The following C18orf54 variants were observed in gnomAD, a reference collection of about 807,000 sequenced individuals.
The protein encoded by C18orf54 is chromosome 18 open reading frame 54.
A neutral mutation model predicts 49.3 loss-of-function variants in C18orf54; 49 were observed. The observed-to-expected ratio is 0.99, with a 90% confidence interval of 0.79 to 1.26. The LOEUF is 1.26. Among genes scored for constraint, C18orf54 ranks in the 50% most tolerant of loss-of-function variants. The pLI is 0.00. For missense variants in C18orf54, 687 were observed against 620.6 expected (o/e 1.11, Z -1.14); for synonymous variants, 211 against 216.6 (o/e 0.97, Z 0.23).
Position 54,372,448 on chromosome 18 carries a change from C to T in C18orf54, c.1327-18C>T. 6.6e-7 allele frequency: 1 copy of T among 1,518,768 alleles called. No individual in the cohort carries two copies. 94.1% of individuals were successfully genotyped at this position (1,518,768 alleles called of 1,614,324 possible). On this transcript the variant is annotated intron_variant, in intron 6 of 8. Transcript: ENST00000620105. Reference sequence around the variant, plus strand: ...GCTTGGATGGTTAACTTTATACTATCATCTGTTTTAACCTTAGAGCTGTAC... The same window carrying T: ...GCTTGGATGGTTAACTTTATACTATTATCTGTTTTAACCTTAGAGCTGTAC...
intron 3 of C18orf54, among the ~76,000 whole-genome samples, chr18:54,361,122 T>C (rs770920303): frequency 6.6e-6 from 1 of 152,244 alleles, no homozygotes; most frequent in Admixed American, 6.5e-5. Context: ...ACTACTTTAC[T>C]TAACACTTGC....
chr18:54,379,583 C>A lies in C18orf54; in HGVS notation c.*1337C>A, dbSNP rs1028942761. 1 of 128,778 alleles carries A rather than the reference C, an allele frequency of 7.8e-6. No individual in the cohort carries two copies. The highest frequency in any genetic ancestry group is 1.6e-5 in the Non-Finnish European group (1 of 62,786). 8.0% of individuals were successfully genotyped at this position (128,778 alleles called of 1,614,324 possible). ...TGGCAATTACCAATAGATTTGTTTT[C>A]TTTATTCTATGGAGATGTTTTTACC... On this transcript the variant is annotated 3_prime_UTR_variant, in exon 9 of 9. Transcript: ENST00000620105.
chr18:54,373,504 G>A (rs140674963), intron 7 of C18orf54, among the ~76,000 whole-genome samples: 37 of 151,688 alleles, frequency 2.4e-4, no homozygotes, highest in African/African-American at 7.2e-4. Context: ...TATTCTTCTC[G>A]CCTAACTAAA....
intron 7 of C18orf54, among the ~76,000 whole-genome samples, chr18:54,373,905 T>C (rs1367247633): frequency 6.6e-6 from 1 of 151,844 alleles, no homozygotes; most frequent in Non-Finnish European, 1.5e-5. Flanking sequence ...GTAATCTATC[T>C]TTCTTTCCCC....
intron 3 of C18orf54, 120 bp downstream of exon 3, chr18:54,360,975 T>C: frequency 1.1e-6 from 1 of 942,362 alleles, no homozygotes; most frequent in East Asian, 2.5e-5. Flanking sequence ...TAACATAATA[T>C]TGAGATCTGG....
intron 5 of C18orf54, among the ~76,000 whole-genome samples, chr18:54,365,273 G>A (rs2089359262): frequency 6.6e-6 from 1 of 151,916 alleles, no homozygotes; most frequent in Non-Finnish European, 1.5e-5. Flanking sequence ...AGTTATAAAG[G>A]GGAAGTCTGT....
chr18:54,368,465 C>T (rs895870959), intron 6 of C18orf54, among the ~76,000 whole-genome samples: 2 of 152,004 alleles, frequency 1.3e-5, no homozygotes, highest in Non-Finnish European at 2.9e-5. Flanking sequence ...TGAGGTTATG[C>T]ATTTTTGGCA....
Position 54,360,665 on chromosome 18 carries a change from C to T in C18orf54, c.93C>T (p.Ser31=), listed in dbSNP as rs1306593006. 5.6e-6 allele frequency: 9 copies of T among 1,613,970 alleles called. 1 individual carries two copies. The South Asian group carries it at 9.9e-5, about 18-fold the overall frequency. ...GCTGCACCCTGAGTGGTAGTAATTC[C>T]TCTAATTCTGATGGCTCGTTTCACT... ...LASCTLSGSN[S]SNSDGSFHYK... Residue 31 remains serine (S), a synonymous_variant, in exon 3 of 9, where the codon TCC becomes TCT. Transcript: ENST00000620105.
chr18:54,365,088 GAAAA>G (rs1475568431), intron 5 of C18orf54, among the ~76,000 whole-genome samples: 1 of 151,940 alleles, frequency 6.6e-6, no homozygotes, highest in Non-Finnish European at 1.5e-5. Context: ...TAGGTACATA[GAAAA>G]TTAATTCAGT....
chr18:54,362,841 G>A lies in C18orf54; in HGVS notation c.1143G>A (p.Lys381=). 1 of 1,612,338 alleles carries A rather than the reference G, an allele frequency of 6.2e-7. No individual in the cohort carries two copies. The highest frequency in any genetic ancestry group is 1.1e-5 in the South Asian group (1 of 90,780). The stretch of plus-strand genomic sequence containing the variant: ...AGCAGTGTACTGAAGAATTACCAAA[G>A]TCCATGAAAAAGGATGACAGTCCTT... ...NLEQCTEELP[K]SMKKDDSPCS... Residue 381 remains lysine (K), a synonymous_variant, in exon 5 of 9, where the codon AAG becomes AAA. Transcript: ENST00000620105.
chr18:54,375,433 G>A (rs143642739), intron 8 of C18orf54, among the ~76,000 whole-genome samples: 21 of 149,036 alleles, frequency 1.4e-4, no homozygotes, highest in African/African-American at 4.5e-4. Context: ...ATTATTCATT[G>A]AGACTAAGAA....
chr18:54,361,799 G>A lies in C18orf54; in HGVS notation c.440G>A (p.Arg147Gln), dbSNP rs1657907. 1.8e-5 allele frequency: 29 copies of A among 1,613,874 alleles called. No individual in the cohort carries two copies. In the Middle Eastern group the frequency reaches 6.6e-4, roughly 37 times the overall value. The change falls in exon 4 of 9, where the codon CGA (arginine) becomes CAA (glutamine). Residue 147 changes from arginine to glutamine, a missense_variant. Arg to Gln is a conservative substitution (Grantham distance 43). Coordinates refer to ENST00000620105, the MANE Select transcript of C18orf54 (RefSeq NM_001288980.2). ...FSYTYVGPSHRTSKKNKKCRG... is the reference protein window; with the variant it reads ...FSYTYVGPSHQTSKKNKKCRG... The stretch of plus-strand genomic sequence containing the variant: ...TATACTTATGTTGGACCGAGTCACC[G>A]AACGAGCAAGAAAAACAAGAAATGC...
rs369905179 is a variant in C18orf54 at position 54,380,511 on chromosome 18, G to T, written c.*2265G>T. 1.2e-4 allele frequency: 19 copies of T among 152,102 alleles called. No homozygotes were observed. The highest frequency in any genetic ancestry group is 4.1e-4 in the African/African-American group (17 of 41,550). 9.4% of individuals were successfully genotyped at this position (152,102 alleles called of 1,614,324 possible). A position where few individuals can be genotyped will look rare whatever the true frequency, so the allele number is the denominator to read the frequency against. Reference sequence around the variant, plus strand: ...TGGTGTGACCAATATGAAGGGTCAAGACTGAAATGTATTGTCTTTACTATC... The same window carrying T: ...TGGTGTGACCAATATGAAGGGTCAATACTGAAATGTATTGTCTTTACTATC... On this transcript the variant is annotated 3_prime_UTR_variant, in exon 9 of 9. Coordinates refer to ENST00000620105, the MANE Select transcript of C18orf54 (RefSeq NM_001288980.2).
intron 6 of C18orf54, among the ~76,000 whole-genome samples, chr18:54,371,212 A>G (rs551022691): frequency 3.4e-4 from 23 of 67,558 alleles, no homozygotes; most frequent in African/African-American, 1.7e-3. Context: ...ACTTGTTACT[A>G]TAGGAACCTC....
rs1568182463 is a variant in C18orf54, at chr18:54,362,348, A to G, written c.989A>G (p.Asn330Ser). The stretch of plus-strand genomic sequence containing the variant: ...TTGAGTGATGATAAAGAATTAGTTA[A>G]TGAATACAAATGTGATTTTGAACAT... ...NSLSDDKELV[N>S]EYKCDFEHSQ... Residue 330 changes from asparagine to serine, a missense_variant, in exon 4 of 9, where the codon AAT (asparagine) becomes AGT (serine). Asn to Ser is a conservative substitution (Grantham distance 46, BLOSUM62 1). Coordinates refer to ENST00000620105, the MANE Select transcript of C18orf54 (RefSeq NM_001288980.2). 1 of 1,535,976 alleles carries G rather than the reference A, an allele frequency of 6.5e-7. No homozygotes were observed. The highest frequency in any genetic ancestry group is 8.7e-7 in the Non-Finnish European group (1 of 1,146,776).
At chr18:54,362,565 T>A (rs1568182758) in intron 4 of C18orf54, 134 bp downstream of exon 4, 4 of 912,044 alleles carry the variant, frequency 4.4e-6, no homozygotes, top group Admixed American at 3.3e-5. Context: ...GGAATGCTTA[T>A]AATCTTCACA....
chr18:54,377,257 G>A (rs1289155776), intron 8 of C18orf54, among the ~76,000 whole-genome samples: 1 of 151,956 alleles, frequency 6.6e-6, no homozygotes, highest in Non-Finnish European at 1.5e-5. Flanking sequence ...GGCTGGTCTC[G>A]AACTCCTGAC....
rs372452896 is a variant in C18orf54, at chr18:54,377,268, C to G, written c.1530-906C>G. ...GCCGGGCTGGTCTCGAACTCCTGACCTCAGGTGGTCATATCATCAGGTGAT... is the reference window on the plus strand; with the variant it reads ...GCCGGGCTGGTCTCGAACTCCTGACGTCAGGTGGTCATATCATCAGGTGAT... On this transcript the variant is annotated intron_variant, in intron 8 of 8. Coordinates refer to ENST00000620105, the MANE Select transcript of C18orf54 (RefSeq NM_001288980.2). Among the ~76,000 whole-genome samples the G allele has an allele frequency of 2.0e-4, 30 of 152,218 alleles. No individual in the cohort carries two copies. In the East Asian group the frequency reaches 5.6e-3, roughly 28 times the overall value.
At chr18:54,370,726 C>T (rs2089471072) in intron 6 of C18orf54, among the ~76,000 whole-genome samples, 1 of 152,226 alleles carries the variant, frequency 6.6e-6, no homozygotes, top group African/African-American at 2.4e-5. Flanking sequence ...TTCTAGTTTT[C>T]TGTCTTCTTT....
Sources: allele counts gnomAD v4.1 joint callset (sites outside exome capture counted in the v4.1 genomes callset), GRCh38; gene constraint gnomAD v4.1.1; transcripts MANE v1.5; gene names NCBI Gene and HGNC (gene_info 2026-07-23, HGNC 2026-07-21).